The following ADORA2B variants were observed in gnomAD, a reference collection of about 807,000 sequenced individuals.
ADORA2B encodes the protein adenosine A2b receptor.
ADORA2B carries 18 observed loss-of-function variants against 20.8 expected under a neutral mutation model. The observed-to-expected ratio is 0.87, with a 90% confidence interval of 0.60 to 1.29. ADORA2B has a LOEUF of 1.29. Among genes scored for constraint, ADORA2B ranks in the 50% most tolerant of loss-of-function variants. The pLI is 0.00. For missense variants in ADORA2B, 441 were observed against 422.7 expected (o/e 1.04, Z -0.38); for synonymous variants, 179 against 178.3 (o/e 1.00, Z -0.03).
chr17:15,877,934 A>G, the ADORA2B span, among the ~76,000 whole-genome samples: 6 of 151,990 alleles, frequency 3.9e-5, no homozygotes, highest in South Asian at 2.1e-4. Flanking sequence ...TTGTCCATCA[A>G]CTTTTCAGCT....
At chr17:15,880,359 G>A in the ADORA2B span, among the ~76,000 whole-genome samples, 10 of 134,832 alleles carry the variant, frequency 7.4e-5, no homozygotes, top group Middle Eastern at 3.5e-3. Context: ...TATACATTTT[G>A]CAATACCAAT....
At chr17:15,956,172 T>C (rs915474487) in intron 1 of ADORA2B, among the ~76,000 whole-genome samples, 2 of 152,258 alleles carry the variant, frequency 1.3e-5, no homozygotes, top group African/African-American at 2.4e-5. Context: ...TGTTTACTTT[T>C]GATGAAGACT....
the ADORA2B span, among the ~76,000 whole-genome samples, chr17:15,919,600 G>A: frequency 6.6e-6 from 1 of 152,164 alleles, no homozygotes; most frequent in Admixed American, 6.5e-5. Context: ...TGGTCACCTA[G>A]TGTGTCCTGG....
the ADORA2B span, among the ~76,000 whole-genome samples, chr17:15,888,304 A>G: frequency 8.5e-5 from 11 of 129,530 alleles, 2 homozygotes; most frequent in Non-Finnish European, 1.8e-4. Context: ...CTCCTTGGTC[A>G]CCAGCCCTCA....
chr17:15,905,285 G>GC, the ADORA2B span, among the ~76,000 whole-genome samples: 2 of 70,594 alleles, frequency 2.8e-5, no homozygotes, highest in African/African-American at 7.8e-5. Context: ...TGTTGTTGTT[G>GC]GGGGGGGGTT....
the ADORA2B span, among the ~76,000 whole-genome samples, chr17:15,909,669 G>A: frequency 6.6e-6 from 1 of 152,236 alleles, no homozygotes; most frequent in Admixed American, 6.5e-5. Flanking sequence ...GGAATGGCCT[G>A]TGTCTGCTTT....
At chr17:15,948,629 C>T (rs1969849891) in intron 1 of ADORA2B, among the ~76,000 whole-genome samples, 1 of 152,182 alleles carries the variant, frequency 6.6e-6, no homozygotes, top group Non-Finnish European at 1.5e-5. Flanking sequence ...TTCCCTGGCC[C>T]TGTGGCATTG....
chr17:15,871,782 G>C, the ADORA2B span, among the ~76,000 whole-genome samples: 3 of 152,180 alleles, frequency 2.0e-5, no homozygotes, highest in East Asian at 5.8e-4. Flanking sequence ...ACTCTTGGAA[G>C]CTCATGCCTC....
At chr17:15,895,732 C>T in the ADORA2B span, among the ~76,000 whole-genome samples, 1 of 152,060 alleles carries the variant, frequency 6.6e-6, no homozygotes, top group African/African-American at 2.4e-5. Context: ...TTGGAGAGGG[C>T]GGGCACAGTG....
chr17:15,943,535 A>C (rs1001824600), upstream of ADORA2B, among the ~76,000 whole-genome samples: 1 of 152,302 alleles, frequency 6.6e-6, no homozygotes, highest in Admixed American at 6.5e-5. Flanking sequence ...GTCTCCCTAC[A>C]TTGGCCAGGC....
the ADORA2B span, among the ~76,000 whole-genome samples, chr17:15,880,864 G>C: frequency 1.3e-5 from 2 of 152,190 alleles, no homozygotes; most frequent in African/African-American, 4.8e-5. Context: ...GGGATAACTG[G>C]AAACCCTTCA....
At chr17:15,964,894 T>C (rs1043234090) in intron 1 of ADORA2B, among the ~76,000 whole-genome samples, 19 of 151,908 alleles carry the variant, frequency 1.3e-4, no homozygotes, top group Non-Finnish European at 2.1e-4. Flanking sequence ...ACCCCGTCTC[T>C]ACTAAAAATA....
the ADORA2B span, among the ~76,000 whole-genome samples, chr17:15,855,588 ATGG>A: frequency 1.3e-5 from 2 of 151,150 alleles, no homozygotes; most frequent in African/African-American, 4.9e-5. Flanking sequence ...CTTTTTTTTA[ATGG>A]TGGTAAAACA....
the ADORA2B span, among the ~76,000 whole-genome samples, chr17:15,864,775 G>A: frequency 6.6e-6 from 1 of 151,986 alleles, no homozygotes; most frequent in African/African-American, 2.4e-5. Context: ...TGCAACCTTG[G>A]TTGGATATTT....
In ADORA2B at chr17:15,945,524, C is replaced by T. The variant is rs1364138374; in HGVS notation, c.276C>T (p.Ser92=). 1.2e-6 allele frequency: 2 copies of T among 1,605,006 alleles called. No homozygotes were observed. Among genetic ancestry groups the T allele is most frequent in the Non-Finnish European group, 1.7e-6 (2 of 1,176,910 alleles). Residue 92 remains serine, a synonymous_variant, in exon 1 of 2, where the codon TCC becomes TCT. Coordinates refer to ENST00000304222, the MANE Select transcript of ADORA2B (RefSeq NM_000676.4). The part of the protein sequence containing the change: ...ACFVLVLTQS[S]IFSLLAVAVD... ...TCGTGCTGGTGCTCACGCAGAGCTC[C>T]ATCTTCAGCCTTCTGGCCGTGGCAG...
chr17:15,887,665 A>G, the ADORA2B span, among the ~76,000 whole-genome samples: 2 of 128,204 alleles, frequency 1.6e-5, 1 homozygote, highest in African/African-American at 6.7e-5. Context: ...TTTAAAAGAT[A>G]GGCTGGGTGT....
chr17:15,887,615 T>C, the ADORA2B span, among the ~76,000 whole-genome samples: 2 of 127,710 alleles, frequency 1.6e-5, 1 homozygote, highest in Non-Finnish European at 3.3e-5. Flanking sequence ...AGTAATGACA[T>C]TGAACTGAGT....
At chr17:15,913,177 T>C in the ADORA2B span, among the ~76,000 whole-genome samples, 4 of 152,232 alleles carry the variant, frequency 2.6e-5, no homozygotes, top group Admixed American at 2.6e-4. Flanking sequence ...CTTCCTTCCC[T>C]GAGCCAGAAG....
rs746092412 is a variant in ADORA2B at position 15,975,262 on chromosome 17, A to G, written c.919A>G (p.Arg307Gly). 2 of 1,613,560 alleles carry G rather than the reference A, an allele frequency of 1.2e-6. No homozygotes were observed. The change falls in exon 2 of 2, where the codon AGG (arginine) becomes GGG (glycine). Residue 307 changes from arginine to glycine, a missense_variant. By Grantham distance (125) the Arg-to-Gly change is moderately radical. Transcript: ENST00000304222. ...FRYTFHKIIS[R>G]YLLCQADVKS... The stretch of plus-strand genomic sequence containing the variant: ...CTACACTTTTCACAAAATTATCTCC[A>G]GGTATCTTCTCTGCCAAGCAGATGT...
Sources: gnomAD v4.1 joint callset for allele counts (sites outside exome capture counted in the v4.1 genomes callset) on GRCh38, gnomAD v4.1.1 for gene constraint, MANE v1.5 for transcripts, NCBI Gene and HGNC (gene_info 2026-07-23, HGNC 2026-07-21) for gene names.